Variants in CNTNAP5 observed in about 807,000 individuals in gnomAD.
CNTNAP5 encodes contactin associated protein family member 5, also known as contactin-associated protein-like 5.
Under a neutral mutation model 150.2 loss-of-function variants are expected in CNTNAP5, and 72 were observed. That is an observed-to-expected ratio of 0.48 (90% CI 0.40 to 0.58). The LOEUF (loss-of-function observed/expected upper bound fraction) is 0.58, where lower values mean the gene tolerates loss of function less well. CNTNAP5 is among the 20% of genes least tolerant of loss of function. CNTNAP5 has a pLI of 0.00. For missense variants in CNTNAP5, 1,636 were observed against 1,626.2 expected (o/e 1.01, Z -0.10); for synonymous variants, 672 against 619.8 (o/e 1.08, Z -1.25).
chr2:124,600,960 G>A (rs1030115931), intron 11 of CNTNAP5, among the ~76,000 whole-genome samples: 8 of 152,084 alleles, frequency 5.3e-5, no homozygotes, highest in Non-Finnish European at 1.2e-4. Context: ...CACAGAAGTA[G>A]GAATCATCAG....
intron 10 of CNTNAP5, among the ~76,000 whole-genome samples, chr2:124,556,787 G>A (rs1207689153): frequency 6.6e-6 from 1 of 152,048 alleles, no homozygotes; most frequent in African/African-American, 2.4e-5. Flanking sequence ...TGGTAAGAAG[G>A]GTATTGCCAT....
At chr2:124,299,883 CTAA>C (rs1439098812) in intron 3 of CNTNAP5, among the ~76,000 whole-genome samples, 5 of 152,168 alleles carry the variant, frequency 3.3e-5, no homozygotes, top group Non-Finnish European at 7.3e-5. Flanking sequence ...AAGGGAAGGA[CTAA>C]TGGATGTGTT....
chr2:124,318,737 T>C (rs1011661885), intron 3 of CNTNAP5, among the ~76,000 whole-genome samples: 5 of 152,196 alleles, frequency 3.3e-5, no homozygotes, highest in African/African-American at 1.2e-4. Flanking sequence ...ACAGCCTCTC[T>C]GTTCCCTAAG....
At chr2:124,659,425 G>GAATAAAAA (rs1337168259) in intron 13 of CNTNAP5, among the ~76,000 whole-genome samples, 2 of 151,918 alleles carry the variant, frequency 1.3e-5, no homozygotes, top group Non-Finnish European at 2.9e-5. Context: ...TTTAGCCTCT[G>GAATAAAAA]AATAAAAAAA....
chr2:124,706,868 G>A (rs373358597), intron 13 of CNTNAP5, among the ~76,000 whole-genome samples: 7 of 10,842 alleles, frequency 6.5e-4, no homozygotes, highest in South Asian at 3.2e-3. Flanking sequence ...GAAGGAGAAG[G>A]GGAAAGGGAA....
intron 1 of CNTNAP5, among the ~76,000 whole-genome samples, chr2:124,204,875 G>A (rs1685824200): frequency 6.6e-6 from 1 of 152,066 alleles, no homozygotes; most frequent in African/African-American, 2.4e-5. Context: ...ATCTACTGAG[G>A]CAAGAAGACA....
At chr2:124,648,692 G>A (rs1221354435) in intron 13 of CNTNAP5, among the ~76,000 whole-genome samples, 1 of 152,138 alleles carries the variant, frequency 6.6e-6, no homozygotes, top group African/African-American at 2.4e-5. Context: ...TGCTTACTAA[G>A]ACTCAAGAGT....
chr2:124,504,703 ATTTTTT>A, intron 8 of CNTNAP5, 147 bp downstream of exon 8: 140 of 370,116 alleles, frequency 3.8e-4, no homozygotes, highest in East Asian at 9.1e-4. Context: ...AAGAGGCAGC[ATTTTTT>A]TTTTTTTTTT....
At chr2:124,508,657 T>C (rs2104868038) in intron 8 of CNTNAP5, among the ~76,000 whole-genome samples, 1 of 152,324 alleles carries the variant, frequency 6.6e-6, no homozygotes, top group African/African-American at 2.4e-5. Flanking sequence ...GACCCACCTC[T>C]CAGAAACTGA....
chr2:124,501,178 A>C (rs891797980), intron 7 of CNTNAP5, among the ~76,000 whole-genome samples: 10 of 152,236 alleles, frequency 6.6e-5, no homozygotes, highest in Admixed American at 3.9e-4. Context: ...CTTCCTTGCC[A>C]GGCATACTTT....
intron 23 of CNTNAP5, 115 bp from the exon 24 acceptor site, chr2:124,913,977 T>C (rs941700617): frequency 1.5e-6 from 1 of 654,002 alleles, no homozygotes; most frequent in African/African-American, 1.8e-5. Flanking sequence ...GTTTGTGTGA[T>C]TTGTTTTGTT....
intron 21 of CNTNAP5, among the ~76,000 whole-genome samples, chr2:124,874,120 T>G (rs1163029676): frequency 6.6e-6 from 1 of 152,074 alleles, no homozygotes; most frequent in African/African-American, 2.4e-5. Context: ...CATTAAAACT[T>G]CACTGTTGGT....
chr2:124,550,600 C>T (rs531254993), intron 10 of CNTNAP5, among the ~76,000 whole-genome samples: 2 of 152,092 alleles, frequency 1.3e-5, no homozygotes, highest in Non-Finnish European at 2.9e-5. Flanking sequence ...GCAGGGAACA[C>T]AAAACCTGCT....
At chr2:124,180,054 A>G (rs1421154768) in intron 1 of CNTNAP5, among the ~76,000 whole-genome samples, 2 of 152,208 alleles carry the variant, frequency 1.3e-5, no homozygotes, top group South Asian at 4.1e-4. Context: ...TTTAAGACAC[A>G]TTAAGGATGT....
At chr2:124,495,207 T>C (rs1436324319) in intron 7 of CNTNAP5, among the ~76,000 whole-genome samples, 1 of 152,170 alleles carries the variant, frequency 6.6e-6, no homozygotes, top group African/African-American at 2.4e-5. Context: ...TAAATATTTA[T>C]ATAATTTCAG....
intron 1 of CNTNAP5, among the ~76,000 whole-genome samples, chr2:124,054,014 T>C (rs938100059): frequency 1.3e-5 from 2 of 152,176 alleles, no homozygotes; most frequent in Admixed American, 6.5e-5. Context: ...GATGTCAACA[T>C]GATTTACTGG....
At chr2:124,431,278 T>C (rs1692371938) in intron 4 of CNTNAP5, among the ~76,000 whole-genome samples, 2 of 151,940 alleles carry the variant, frequency 1.3e-5, no homozygotes, top group Non-Finnish European at 2.9e-5. Flanking sequence ...ATAGTAACGA[T>C]GATGAATGGA....
chr2:124,615,399 C>A (rs1260326759), intron 12 of CNTNAP5, among the ~76,000 whole-genome samples: 2 of 152,122 alleles, frequency 1.3e-5, no homozygotes, highest in Non-Finnish European at 2.9e-5. Flanking sequence ...GCCTCTTCAC[C>A]AAGAGTAGAT....
chr2:124,794,764 G>T (rs981570591), intron 18 of CNTNAP5, among the ~76,000 whole-genome samples: 1 of 151,774 alleles, frequency 6.6e-6, no homozygotes, highest in Non-Finnish European at 1.5e-5. Flanking sequence ...TTATTTCATC[G>T]GTACACTCAC....
Sources: gnomAD v4.1 joint callset for allele counts (sites outside exome capture counted in the v4.1 genomes callset) on GRCh38, gnomAD v4.1.1 for gene constraint, MANE v1.5 for transcripts, NCBI Gene and HGNC (gene_info 2026-07-23, HGNC 2026-07-21) for gene names.